ACBD7: variants seen among roughly 807,000 people sequenced by gnomAD.
ACBD7 encodes the protein acyl-CoA binding domain containing 7, also known as acyl-CoA-binding domain-containing protein 7.
In ACBD7, 11 loss-of-function variants were observed where a neutral mutation model predicts 13.7. The ratio of observed to expected loss-of-function variants is 0.80; its 90% CI spans 0.50 to 1.33. ACBD7 has a LOEUF of 1.33. ACBD7 is among the 40% of genes most tolerant of loss of function. ACBD7 has a pLI of 0.00. For missense variants in ACBD7, 111 were observed against 103.0 expected (o/e 1.08, Z -0.33); for synonymous variants, 43 against 37.7 (o/e 1.14, Z -0.51).
chr10:15,081,610 C>A (rs1409771249), intron 1 of ACBD7, among the ~76,000 whole-genome samples: 1 of 152,222 alleles, frequency 6.6e-6, no homozygotes, highest in African/African-American at 2.4e-5. Flanking sequence ...AATTTGCAGT[C>A]CTTCTCCTTG....
rs1470473732 is a variant in ACBD7 at position 15,076,897 on chromosome 10, A to G, written c.*1633T>C. 5.1e-6 allele frequency: 5 copies of G among 985,356 alleles called. No individual in the cohort carries two copies. Among genetic ancestry groups the G allele is most frequent in the Non-Finnish European group, 6.0e-6 (5 of 829,942 alleles). The allele number at this position is 985,356 out of a possible 1,614,324, so 61.0% of individuals were successfully genotyped here. ...AGCCAAAAGAACAAACAGCTGTTCA[A>G]ATCTGTACACATATTACCAGGGCTA... On this transcript the variant is annotated 3_prime_UTR_variant, in exon 4 of 4. Coordinates refer to ENST00000356189, the MANE Select transcript of ACBD7 (RefSeq NM_001039844.3).
chr10:15,078,683 T>C lies in ACBD7; in HGVS notation c.193+8A>G, dbSNP rs1564539353. ...AGTTTGCTTTAAACTTGTGAAAGAC[T>C]AAAAAACCTTTTTTGAGGTTCCATG... On this transcript the variant is annotated splice_region_variant and intron_variant, in intron 3 of 3. Transcript: ENST00000356189. The C allele has an allele frequency of 6.2e-7, 1 of 1,614,056 alleles. No homozygotes were observed. The highest frequency in any genetic ancestry group is 2.2e-5 in the East Asian group (1 of 44,878).
Position 15,076,636 on chromosome 10 carries a change from G to C in ACBD7, c.*1894C>G, listed in dbSNP as rs1389240951. 3 of 613,062 alleles carry C rather than the reference G, an allele frequency of 4.9e-6. No homozygotes were observed. The highest frequency in any genetic ancestry group is 6.1e-6 in the Non-Finnish European group (3 of 490,612). The allele number at this position is 613,062 out of a possible 1,614,324, so 38.0% of individuals were successfully genotyped here. A position where few individuals can be genotyped will look rare whatever the true frequency, so the allele number is the denominator to read the frequency against. ...TCCTGCCTCAGCCTCCCAAGTAGCT[G>C]GAATTACAGGTGTGCACCACCAATG... On this transcript the variant is annotated 3_prime_UTR_variant, in exon 4 of 4. Transcript: ENST00000356189.
rs562856464 is a variant in ACBD7, at chr10:15,077,367, C to G, written c.*1163G>C. ...AAGAAAATAAAGATTTTTAAAGAAC[C>G]CTCAGAAACAAAAAAAAATACCACA... On this transcript the variant is annotated 3_prime_UTR_variant, in exon 4 of 4. Transcript: ENST00000356189. Among the ~76,000 whole-genome samples the G allele has an allele frequency of 1.1e-4, 16 of 151,732 alleles. No individual in the cohort carries two copies. Among genetic ancestry groups the G allele is most frequent in the African/African-American group, 3.9e-4 (16 of 41,332 alleles).
intron 1 of ACBD7, among the ~76,000 whole-genome samples, chr10:15,079,436 G>A (rs1442520657): frequency 6.7e-6 from 1 of 149,520 alleles, no homozygotes; most frequent in Non-Finnish European, 1.5e-5. Flanking sequence ...CACCACACTC[G>A]GCTAATTTTT....
chr10:15,080,388 C>T (rs1419622077), intron 1 of ACBD7, among the ~76,000 whole-genome samples: 3 of 151,608 alleles, frequency 2.0e-5, no homozygotes, highest in Admixed American at 6.6e-5. Context: ...GAGACCAGCC[C>T]GGCCAACATA....
chr10:15,084,483 A>G (rs1014937529), intron 1 of ACBD7, among the ~76,000 whole-genome samples: 1 of 152,234 alleles, frequency 6.6e-6, no homozygotes, highest in Non-Finnish European at 1.5e-5. Flanking sequence ...ATGCACAAAC[A>G]AAGCAAGGAA....
chr10:15,076,192 A>T lies in ACBD7; in HGVS notation c.*2338T>A. On this transcript the variant is annotated 3_prime_UTR_variant, in exon 4 of 4. Transcript: ENST00000356189. ...ATTTTTATGCAGGGAATAGAGGTAC[A>T]CTGTTTTGGGGGATATTTATCTTAA... 1.5e-5 allele frequency: 15 copies of T among 985,242 alleles called. No homozygotes were observed. The highest frequency in any genetic ancestry group is 1.8e-5 in the Non-Finnish European group (15 of 829,842). The allele number at this position is 985,242 out of a possible 1,614,324, so 61.0% of individuals were successfully genotyped here. A position where few individuals can be genotyped will look rare whatever the true frequency, so the allele number is the denominator to read the frequency against.
chr10:15,078,765 A>G lies in ACBD7; in HGVS notation c.131-12T>C. 1 of 1,613,596 alleles carries G rather than the reference A, an allele frequency of 6.2e-7. No individual in the cohort carries two copies. Among genetic ancestry groups the G allele is most frequent in the Non-Finnish European group, 8.5e-7 (1 of 1,179,762 alleles). ...CATTCCTGGACACGCTGGCAAAAGAAGGAGACATGCATTTGCAGGTTAACA... is the reference window on the plus strand; with the variant it reads ...CATTCCTGGACACGCTGGCAAAAGAGGGAGACATGCATTTGCAGGTTAACA... On this transcript the variant is annotated splice_polypyrimidine_tract_variant and intron_variant, in intron 2 of 3. Coordinates refer to ENST00000356189, the MANE Select transcript of ACBD7 (RefSeq NM_001039844.3).
chr10:15,086,786 G>T (rs1331115034), intron 1 of ACBD7, among the ~76,000 whole-genome samples: 2 of 152,092 alleles, frequency 1.3e-5, no homozygotes, highest in African/African-American at 4.8e-5. Flanking sequence ...GGCTGAGGCG[G>T]GCAGATCACC....
intron 1 of ACBD7, 44 bp from the exon 2 acceptor site, chr10:15,079,084 C>A (rs1414831590): frequency 1.5e-6 from 2 of 1,375,060 alleles, no homozygotes; most frequent in Non-Finnish European, 2.0e-6. Context: ...CATTTTACCA[C>A]CAAGGAATAG....
rs547045489 is a variant in ACBD7 at position 15,075,929 on chromosome 10, G to T, written c.*2601C>A. ...GCAGAGGTTGCAGTGAGCCGAGAGCGTGCCACTGCGCTCCAGCCTGGGTAA... is the reference window on the plus strand; with the variant it reads ...GCAGAGGTTGCAGTGAGCCGAGAGCTTGCCACTGCGCTCCAGCCTGGGTAA... On this transcript the variant is annotated 3_prime_UTR_variant, in exon 4 of 4. Coordinates refer to ENST00000356189, the MANE Select transcript of ACBD7 (RefSeq NM_001039844.3). 6.7e-5 allele frequency: 15 copies of T among 224,410 alleles called. 1 individual carries two copies. The highest frequency in any genetic ancestry group is 3.6e-4 in the African/African-American group (15 of 41,462). 13.9% of individuals were successfully genotyped at this position (224,410 alleles called of 1,614,324 possible).
chr10:15,078,700 G>A lies in ACBD7; in HGVS notation c.184C>T (p.Leu62Phe), dbSNP rs549731690. The A allele has an allele frequency of 1.9e-6, 3 of 1,613,884 alleles. No homozygotes were observed. The highest frequency in any genetic ancestry group is 1.7e-6 in the Non-Finnish European group (2 of 1,179,982). ...KGKAKWEAWN[L>F]KKGLSTEDAT... ...TGAAAGACTAAAAAACCTTTTTTGA[G>A]GTTCCATGCTTCCCATTTGGCTTTG... The change falls in exon 3 of 4, where the codon CTC becomes TTC. Residue 62 changes from leucine (L) to phenylalanine (F), a missense_variant. Leu to Phe is a conservative substitution (Grantham distance 22). Coordinates refer to ENST00000356189, the MANE Select transcript of ACBD7 (RefSeq NM_001039844.3).
Position 15,076,826 on chromosome 10 carries a change from G to C in ACBD7, c.*1704C>G, listed in dbSNP as rs1407155479. The C allele has an allele frequency of 3.2e-5, 32 of 985,176 alleles. No individual in the cohort carries two copies. Among genetic ancestry groups the C allele is most frequent in the Non-Finnish European group, 3.9e-5 (32 of 829,918 alleles). 61.0% of individuals were successfully genotyped at this position (985,176 alleles called of 1,614,324 possible). The stretch of plus-strand genomic sequence containing the variant: ...CCTTGCCATTGATTCTTAATAACCT[G>C]TTTTTATTTCACCAGTAACATTAAC... On this transcript the variant is annotated 3_prime_UTR_variant, in exon 4 of 4. Coordinates refer to ENST00000356189, the MANE Select transcript of ACBD7 (RefSeq NM_001039844.3).
Position 15,076,364 on chromosome 10 carries a change from G to A in ACBD7, c.*2166C>T. The stretch of plus-strand genomic sequence containing the variant: ...GATAGAACTGAACATATGGGGTACA[G>A]TAGTGGTACAGTTTATCACTAGATA... On this transcript the variant is annotated 3_prime_UTR_variant, in exon 4 of 4. Coordinates refer to ENST00000356189, the MANE Select transcript of ACBD7 (RefSeq NM_001039844.3). The A allele has an allele frequency of 1.0e-6, 1 of 985,236 alleles. No individual in the cohort carries two copies. The highest frequency in any genetic ancestry group is 1.2e-6 in the Non-Finnish European group (1 of 829,828). 61.0% of individuals were successfully genotyped at this position (985,236 alleles called of 1,614,324 possible).
chr10:15,085,821 T>A (rs1403009907), intron 1 of ACBD7, among the ~76,000 whole-genome samples: 2 of 120,996 alleles, frequency 1.7e-5, no homozygotes, highest in Non-Finnish European at 3.8e-5. Flanking sequence ...CCAATGACAG[T>A]CTGCCAGTAT....
At chr10:15,079,609 C>T (rs1405944341) in intron 1 of ACBD7, among the ~76,000 whole-genome samples, 1 of 150,338 alleles carries the variant, frequency 6.7e-6, no homozygotes, top group Non-Finnish European at 1.5e-5. Flanking sequence ...GACTGAGTCT[C>T]ACTCTGTTGC....
intron 1 of ACBD7, among the ~76,000 whole-genome samples, chr10:15,087,566 C>T (rs1844824139): frequency 6.6e-6 from 1 of 151,212 alleles, no homozygotes; most frequent in South Asian, 2.1e-4. Flanking sequence ...CACTTGAGGT[C>T]AGGAGTTGGA....
chr10:15,078,832 A>G (rs926451328), intron 2 of ACBD7, 79 bp from the exon 3 acceptor site: 1 of 1,396,874 alleles, frequency 7.2e-7, no homozygotes, highest in Non-Finnish European at 9.6e-7. Flanking sequence ...AACGGAGTAT[A>G]TTACTATATT....
Sources: gnomAD v4.1 joint callset for allele counts (sites outside exome capture counted in the v4.1 genomes callset) on GRCh38, gnomAD v4.1.1 for gene constraint, MANE v1.5 for transcripts, NCBI Gene and HGNC (gene_info 2026-07-23, HGNC 2026-07-21) for gene names.